Variants in CTNND2 observed in about 807,000 individuals in gnomAD.
The protein encoded by CTNND2 is catenin delta-2.
Under a neutral mutation model 144.4 loss-of-function variants are expected in CTNND2, and 22 were observed. The ratio of observed to expected loss-of-function variants is 0.15; its 90% CI spans 0.11 to 0.22. The LOEUF is 0.22. CTNND2 is among the 10% of genes least tolerant of loss of function. The pLI is 1.00. For synonymous variants in CTNND2, 751 were observed against 695.6 expected, an observed-to-expected ratio of 1.08 and a Z score of -1.25; for missense variants, 1,353 against 1,618.8, an observed-to-expected ratio of 0.84 and a Z score of 2.82.
chr5:11,247,861 T>A (rs1212353060), intron 9 of CTNND2, among the ~76,000 whole-genome samples: 3 of 152,196 alleles, frequency 2.0e-5, no homozygotes, highest in Non-Finnish European at 4.4e-5. Context: ...TCCAATTAAC[T>A]TTAAAACAGC....
intron 6 of CTNND2, among the ~76,000 whole-genome samples, chr5:11,392,063 G>A (rs1175777116): frequency 6.6e-6 from 1 of 152,190 alleles, no homozygotes; most frequent in East Asian, 1.9e-4. Flanking sequence ...GAGGGGGAGA[G>A]AAAGAACAAG....
At chr5:11,312,408 G>A (rs1006225060) in intron 9 of CTNND2, among the ~76,000 whole-genome samples, 29 of 152,156 alleles carry the variant, frequency 1.9e-4, no homozygotes, top group South Asian at 6.2e-4. Flanking sequence ...GAATCATGGC[G>A]GGAGGCGAAA....
chr5:11,729,402 G>A (rs532803200), intron 2 of CTNND2, among the ~76,000 whole-genome samples: 1 of 152,154 alleles, frequency 6.6e-6, no homozygotes, highest in Non-Finnish European at 1.5e-5. Context: ...TTTTCTAGAT[G>A]CTCATAAATA....
At position 11,753,271 on chromosome 5, in the gene CTNND2, T is replaced by G. The variant is rs184322676; in HGVS notation, c.38-20999A>C. ...TTGTTCCAGTTCTCAAGGGGAATGC[T>G]TCCAGCTTTTACCTGTTCACTATGA... is the stretch of plus-strand genomic sequence containing the variant. On this transcript the variant is annotated intron_variant, in intron 1 of 21. Coordinates refer to ENST00000304623, the MANE Select transcript of CTNND2 (RefSeq NM_001332.4). Among the ~76,000 whole-genome samples, 4 of 152,026 alleles carry G rather than the reference T, an allele frequency of 2.6e-5. No individual in the cohort carries two copies. The East Asian group carries it at 7.7e-4, about 29-fold the overall frequency.
intron 1 of CTNND2, among the ~76,000 whole-genome samples, chr5:11,827,917 T>C (rs774078406): frequency 1.5e-4 from 23 of 152,338 alleles, no homozygotes; most frequent in Non-Finnish European, 3.1e-4. Flanking sequence ...TTAAATCATT[T>C]TATGAGGCTC....
chr5:11,609,581 A>G (rs192556589), intron 2 of CTNND2, among the ~76,000 whole-genome samples: 5 of 151,852 alleles, frequency 3.3e-5, no homozygotes, highest in African/African-American at 1.2e-4. Context: ...TTATAATACT[A>G]TTATATTAAA....
intron 16 of CTNND2, among the ~76,000 whole-genome samples, chr5:11,079,699 C>T (rs529356456): frequency 1.3e-5 from 2 of 152,322 alleles, no homozygotes; most frequent in East Asian, 1.9e-4. Flanking sequence ...CCTGTCTCAT[C>T]TCCTTTGAGT....
rs181145762 is a variant in CTNND2, at chr5:11,692,228, G to C, written c.174+39908C>G. 6.9e-4 allele frequency among the ~76,000 whole-genome samples: 105 copies of C among 151,986 alleles called. 1 individual carries two copies. Among genetic ancestry groups the C allele is most frequent in the African/African-American group, 2.3e-3 (96 of 41,462 alleles). ...TTAATTCTGGGCACATAACTATTAG[G>C]GGTTTTTATTTTTTCCCTTTTATCT... On this transcript the variant is annotated intron_variant, in intron 2 of 21. Coordinates refer to ENST00000304623, the MANE Select transcript of CTNND2 (RefSeq NM_001332.4).
rs1235839792 is a variant in CTNND2, at chr5:11,343,944, G to A, written c.1628+2428C>T. ...AAAGATTTAAATAATAAGCCATAAC[G>A]CCAAAATAAATAAGTGTGAGCCCTA... On this transcript the variant is annotated intron_variant, in intron 9 of 21. Coordinates refer to ENST00000304623, the MANE Select transcript of CTNND2 (RefSeq NM_001332.4). Among the ~76,000 whole-genome samples the A allele has an allele frequency of 2.0e-5, 3 of 152,046 alleles. 1 individual carries two copies. The highest frequency in any genetic ancestry group is 4.8e-5 in the African/African-American group (2 of 41,390).
At chr5:11,791,471 G>T (rs112497127) in intron 1 of CTNND2, among the ~76,000 whole-genome samples, 1 of 152,180 alleles carries the variant, frequency 6.6e-6, no homozygotes, top group East Asian at 1.9e-4. Flanking sequence ...GGAAATGGCC[G>T]AAAGGGTCAG....
chr5:11,224,138 C>G (rs1375001184), intron 10 of CTNND2, among the ~76,000 whole-genome samples: 2 of 152,094 alleles, frequency 1.3e-5, no homozygotes, highest in Non-Finnish European at 2.9e-5. Context: ...GGTATTTGTC[C>G]TCTTTAGTTG....
chr5:11,525,616 T>C (rs981460530), intron 3 of CTNND2, among the ~76,000 whole-genome samples: 1 of 152,166 alleles, frequency 6.6e-6, no homozygotes, highest in Non-Finnish European at 1.5e-5. Context: ...ACACCACAAG[T>C]AAGTTCAGCA....
chr5:11,356,218 C>CA (rs980778276), intron 8 of CTNND2, among the ~76,000 whole-genome samples: 2 of 143,170 alleles, frequency 1.4e-5, no homozygotes, highest in East Asian at 2.0e-4. Flanking sequence ...ATGAAACAAA[C>CA]AAAAAAAGGC....
Position 11,619,616 on chromosome 5 carries a change from T to C in CTNND2, c.175-54560A>G, listed in dbSNP as rs531574823. Among the ~76,000 whole-genome samples the C allele has an allele frequency of 2.0e-5, 3 of 152,320 alleles. No homozygotes were observed. The East Asian group carries it at 5.8e-4, about 29-fold the overall frequency. On this transcript the variant is annotated intron_variant, in intron 2 of 21. Transcript: ENST00000304623. ...TACATGGGTTGTAATAAATATATTT[T>C]AAATTTCTGAACTTGTTTGCATGAT...
intron 12 of CTNND2, among the ~76,000 whole-genome samples, chr5:11,122,740 G>A (rs1292852376): frequency 6.6e-6 from 1 of 151,958 alleles, no homozygotes; most frequent in Non-Finnish European, 1.5e-5. Context: ...GAGTGGGGTG[G>A]GCTGTCTGGA....
At chr5:11,861,178 G>T (rs1795488283) in intron 1 of CTNND2, among the ~76,000 whole-genome samples, 1 of 152,112 alleles carries the variant, frequency 6.6e-6, no homozygotes, top group South Asian at 2.1e-4. Context: ...TGAGTTTTAT[G>T]TTTCAAAAAG....
chr5:11,250,491 C>CTCTCTATATATATATA (rs869141186), intron 9 of CTNND2, among the ~76,000 whole-genome samples: 57 of 64,092 alleles, frequency 8.9e-4, no homozygotes, highest in African/African-American at 2.6e-3. Context: ...CTCTCTCTCT[C>CTCTCTATATATATATA]TATATATATA....
At chr5:11,314,206 G>C (rs1751276389) in intron 9 of CTNND2, among the ~76,000 whole-genome samples, 1 of 152,094 alleles carries the variant, frequency 6.6e-6, no homozygotes, top group Non-Finnish European at 1.5e-5. Context: ...CTCAACTGTG[G>C]ACTAGTCCCC....
At chr5:11,773,764 T>G (rs1268381329) in intron 1 of CTNND2, among the ~76,000 whole-genome samples, 1 of 141,044 alleles carries the variant, frequency 7.1e-6, no homozygotes, top group East Asian at 2.1e-4. Context: ...TGAGCCAAGA[T>G]GGTGCCACTG....
Sources: allele counts gnomAD v4.1 joint callset (sites outside exome capture counted in the v4.1 genomes callset), GRCh38; gene constraint gnomAD v4.1.1; transcripts MANE v1.5; gene names NCBI Gene and HGNC (gene_info 2026-07-23, HGNC 2026-07-21).